The following SAMD14 variants were observed in gnomAD, a reference collection of about 807,000 sequenced individuals.
The protein encoded by SAMD14 is sterile alpha motif domain containing 14, also known as sterile alpha motif domain-containing protein 14.
A neutral mutation model predicts 46.2 loss-of-function variants in SAMD14; 27 were observed. The observed-to-expected ratio is 0.58, with a 90% CI of 0.43 to 0.81. The LOEUF is 0.81. Ranked by LOEUF, SAMD14 falls within the 30% of genes least tolerant of loss-of-function variation. SAMD14 has a pLI of 0.00. For missense variants in SAMD14, 559 were observed against 582.2 expected, an observed-to-expected ratio of 0.96 and a Z score of 0.41; for synonymous variants, 241 against 254.3, an observed-to-expected ratio of 0.95 and a Z score of 0.50.
intron 2 of SAMD14, among the ~76,000 whole-genome samples, chr17:50,118,666 G>A (rs1243885033): frequency 1.3e-5 from 2 of 152,144 alleles, no homozygotes; most frequent in Admixed American, 6.6e-5. Context: ...AGATGAGGTG[G>A]GCAAAACAGG....
chr17:50,124,769 G>GCACACACA (rs779175185), intron 2 of SAMD14, 148 bp downstream of exon 2: 44 of 477,106 alleles, frequency 9.2e-5, no homozygotes, highest in African/African-American at 8.7e-4. Flanking sequence ...GCACGCGCGC[G>GCACACACA]CGCACACACA....
chr17:50,114,361 C>T (rs1377741012), intron 7 of SAMD14, 55 bp from the exon 8 acceptor site: 1 of 1,614,064 alleles, frequency 6.2e-7, no homozygotes, highest in Admixed American at 1.7e-5. Flanking sequence ...ACCCACCATC[C>T]CTATCTGGGT....
chr17:50,122,204 G>T (rs1349301503), intron 2 of SAMD14, among the ~76,000 whole-genome samples: 1 of 152,156 alleles, frequency 6.6e-6, no homozygotes, highest in African/African-American at 2.4e-5. Context: ...ATATGGTCAC[G>T]ATACGGTCGG....
chr17:50,113,639 T>C, intron 9 of SAMD14: 1 of 469,876 alleles, frequency 2.1e-6, no homozygotes, highest in Admixed American at 3.4e-5. Context: ...TCAAGGGTCA[T>C]CCTAGAGGGC....
chr17:50,125,687 C>G (rs1375933988), intron 1 of SAMD14, among the ~76,000 whole-genome samples: 1 of 152,158 alleles, frequency 6.6e-6, no homozygotes, highest in East Asian at 1.9e-4. Context: ...TCCCCCTTCC[C>G]TACACCCCCA....
rs1298442105 is a variant in SAMD14 at position 50,112,592 on chromosome 17, C to A, written c.*301G>T. 7 of 262,916 alleles carry A rather than the reference C, an allele frequency of 2.7e-5. No individual in the cohort carries two copies. Among genetic ancestry groups the A allele is most frequent in the African/African-American group, 1.3e-4 (6 of 44,970 alleles). The allele number at this position is 262,916 out of a possible 1,614,324, so 16.3% of individuals were successfully genotyped here. A position where few individuals can be genotyped will look rare whatever the true frequency, so the allele number is the denominator to read the frequency against. ...GCAATGGGACAGCCTGACCCAGCCT[C>A]CCAGACTTGCCTCAGCCCTGGCCTC... On this transcript the variant is annotated 3_prime_UTR_variant, in exon 10 of 10. Transcript: ENST00000330175.
At chr17:50,118,374 C>G in intron 2 of SAMD14, 47 bp from the exon 3 acceptor site, 3 of 1,597,910 alleles carry the variant, frequency 1.9e-6, no homozygotes, top group African/African-American at 2.7e-5. Context: ...TGAGAGGTGA[C>G]GGCAAGCCCA....
intron 2 of SAMD14, among the ~76,000 whole-genome samples, chr17:50,124,588 G>A (rs1473436219): frequency 6.6e-6 from 1 of 152,104 alleles, no homozygotes; most frequent in Non-Finnish European, 1.5e-5. Context: ...TCTGTAAACT[G>A]GGCTTACATT....
Position 50,114,027 on chromosome 17 carries a change from C to G in SAMD14, c.995G>C (p.Gly332Ala). ...PVHHWTSQQV[G>A]QWLQSLNLEQ... ...CAGGTTGAGGCTCTGCAGCCACTGGCCCACCTGCTGGCTGGTCCAGTGGTG... is the reference window on the plus strand; with the variant it reads ...CAGGTTGAGGCTCTGCAGCCACTGGGCCACCTGCTGGCTGGTCCAGTGGTG... Residue 332 changes from glycine (G) to alanine (A), a missense_variant, in exon 9 of 10, where the codon GGC (glycine) becomes GCC (alanine). By Grantham distance (60) the Gly-to-Ala change is moderately conservative (BLOSUM62 0). Coordinates refer to ENST00000330175, the MANE Select transcript of SAMD14 (RefSeq NM_001257359.2). The G allele has an allele frequency of 6.2e-7, 1 of 1,613,720 alleles. No homozygotes were observed. The highest frequency in any genetic ancestry group is 8.5e-7 in the Non-Finnish European group (1 of 1,180,016).
chr17:50,115,914 G>C lies in SAMD14; in HGVS notation c.588-10C>G, dbSNP rs1459633245. On this transcript the variant is annotated splice_polypyrimidine_tract_variant and intron_variant, in intron 5 of 9. Coordinates refer to ENST00000330175, the MANE Select transcript of SAMD14 (RefSeq NM_001257359.2). This position sits in a 1 kb window ranked among gnomAD's most constrained non-coding sequence, Gnocchi z 5.3. ...TCGGCGCAGGGTGACCCTGTGGGGA[G>C]GCAGCAGGAAGTGGGGCAGGGCTGC... is the stretch of plus-strand genomic sequence containing the variant. The C allele has an allele frequency of 6.2e-7, 1 of 1,613,060 alleles. No homozygotes were observed. The highest frequency in any genetic ancestry group is 1.1e-5 in the South Asian group (1 of 90,960).
At chr17:50,117,752 TG>T in intron 3 of SAMD14, 57 bp from the exon 4 acceptor site, 1 of 1,374,084 alleles carries the variant, frequency 7.3e-7, no homozygotes, top group South Asian at 1.7e-5. Context: ...CCGGAGGAGC[TG>T]GGAGACTTTC....
At chr17:50,127,544 T>G (rs1911834891) in intron 1 of SAMD14, among the ~76,000 whole-genome samples, 1 of 151,552 alleles carries the variant, frequency 6.6e-6, no homozygotes, top group Admixed American at 6.6e-5. Flanking sequence ...GAGGTTGCAG[T>G]GAGCCGAGAT....
intron 1 of SAMD14, among the ~76,000 whole-genome samples, chr17:50,126,595 G>A (rs538607800): frequency 5.3e-5 from 8 of 151,610 alleles, no homozygotes; most frequent in African/African-American, 7.2e-5. Context: ...GTGAGCCACC[G>A]CGCCTGGCCT....
At chr17:50,128,011 A>C (rs1360879704) in intron 1 of SAMD14, among the ~76,000 whole-genome samples, 24 of 151,954 alleles carry the variant, frequency 1.6e-4, no homozygotes, top group Non-Finnish European at 2.2e-4. Flanking sequence ...TCTCCCCCCC[A>C]CCAATCAGAT....
intron 2 of SAMD14, among the ~76,000 whole-genome samples, chr17:50,119,922 C>T (rs933351693): frequency 6.6e-6 from 1 of 152,166 alleles, no homozygotes; most frequent in East Asian, 1.9e-4. Context: ...TCTAGTTGCT[C>T]AGCTGAACCC....
chr17:50,116,533 G>A (rs560506227), intron 4 of SAMD14, among the ~76,000 whole-genome samples: 2 of 151,522 alleles, frequency 1.3e-5, no homozygotes, highest in East Asian at 3.9e-4. Context: ...AGCCTCCTGA[G>A]TAGCTGGGAT....
intron 2 of SAMD14, 136 bp downstream of exon 2, chr17:50,124,771 GCACACACACA>G (rs10522793): frequency 0.15 from 83,861 of 569,546 alleles, 4,137 homozygotes; most frequent in Non-Finnish European, 0.17. Context: ...ACGCGCGCGC[GCACACACACA>G]CACACACACA....
At chr17:50,124,771 G>GCGCGCGCACA (rs71353620) in intron 2 of SAMD14, 146 bp downstream of exon 2, 832 of 569,400 alleles carry the variant, frequency 1.5e-3, no homozygotes, top group East Asian at 6.1e-3. Flanking sequence ...ACGCGCGCGC[G>GCGCGCGCACA]CACACACACA....
rs1333928469 is a variant in SAMD14, at chr17:50,115,167, G to C, written c.822+397C>G. 1 of 172,346 alleles carries C rather than the reference G, an allele frequency of 5.8e-6. No individual in the cohort carries two copies. The highest frequency in any genetic ancestry group is 2.4e-5 in the African/African-American group (1 of 42,124). The allele number at this position is 172,346 out of a possible 1,614,324, so 10.7% of individuals were successfully genotyped here. A position where few individuals can be genotyped will look rare whatever the true frequency, so the allele number is the denominator to read the frequency against. On this transcript the variant is annotated intron_variant, in intron 7 of 9. Coordinates refer to ENST00000330175, the MANE Select transcript of SAMD14 (RefSeq NM_001257359.2). This position sits in a 1 kb window ranked among gnomAD's most constrained non-coding sequence, Gnocchi z 5.3. ...GTAAGCTTTCAGACCACTAGGTTGG[G>C]GTCCTGTTTGTCTCTATATCCCCCA...
Sources: allele counts gnomAD v4.1 joint callset (sites outside exome capture counted in the v4.1 genomes callset), GRCh38; gene constraint gnomAD v4.1.1; non-coding constraint Gnocchi (gnomAD v3.1); transcripts MANE v1.5; gene names NCBI Gene and HGNC (gene_info 2026-07-23, HGNC 2026-07-21).